RO60: variants seen among roughly 807,000 people sequenced by gnomAD.
The protein encoded by RO60 is Ro60, Y RNA binding protein, also known as RNA-binding protein RO60.
A neutral mutation model predicts 55.3 loss-of-function variants in RO60; 20 were observed. The observed-to-expected ratio is 0.36, with a 90% CI of 0.25 to 0.53. RO60 has a LOEUF of 0.53. RO60 is among the 20% of genes least tolerant of loss of function. RO60 has a pLI of 0.92. For synonymous variants in RO60, 213 were observed against 213.6 expected (o/e 1.00, Z 0.02); for missense variants, 558 against 646.6 (o/e 0.86, Z 1.49).
chr1:193,081,209 A>G (rs1357238300), intron 5 of RO60, among the ~76,000 whole-genome samples, 155 bp from the exon 6 acceptor site: 1 of 152,186 alleles, frequency 6.6e-6, no homozygotes, highest in East Asian at 1.9e-4. Context: ...CTGCTATGCC[A>G]GATGAGCATT....
At position 193,059,667 on chromosome 1, in the gene RO60, TGCTGTG is replaced by T. The variant is rs1024380496; in HGVS notation, c.-125_-120del. On this transcript the variant is annotated 5_prime_UTR_variant, in exon 1 of 9. Transcript: ENST00000400968. This position sits in a 1 kb window ranked among gnomAD's most constrained non-coding sequence, Gnocchi z 4.9. ...CCGGCGGCAGTGGGGCTGTTGCTGT[TGCTGTG>T]GCTGTCGCTGCCCGTCAGGCTGCCT... The T allele has an allele frequency of 3.6e-6, 5 of 1,373,658 alleles. No individual in the cohort carries two copies. Among genetic ancestry groups the T allele is most frequent in the Non-Finnish European group, 4.9e-6 (5 of 1,028,760 alleles). 85.1% of individuals were successfully genotyped at this position (1,373,658 alleles called of 1,614,324 possible).
chr1:193,085,597 C>T lies in RO60; in HGVS notation c.*866C>T, dbSNP rs1298540885. ...AATATAAAATGTTTCAAGCGCTTAACTCCCCCTCATTCACAAAGTATAACA... is the reference window on the plus strand; with the variant it reads ...AATATAAAATGTTTCAAGCGCTTAATTCCCCCTCATTCACAAAGTATAACA... On this transcript the variant is annotated 3_prime_UTR_variant, in exon 9 of 9. Transcript: ENST00000400968. 1 of 984,424 alleles carries T rather than the reference C, an allele frequency of 1.0e-6. No homozygotes were observed. The highest frequency in any genetic ancestry group is 1.2e-6 in the Non-Finnish European group (1 of 829,202). The allele number at this position is 984,424 out of a possible 1,614,324, so 61.0% of individuals were successfully genotyped here. A position where few individuals can be genotyped will look rare whatever the true frequency, so the allele number is the denominator to read the frequency against.
Position 193,069,255 on chromosome 1 carries a change from T to C in RO60, c.201T>C (p.Asp67=). The C allele has an allele frequency of 6.2e-7, 1 of 1,614,212 alleles. No individual in the cohort carries two copies. Residue 67 remains aspartate, a synonymous_variant, in exon 2 of 9, where the codon GAT becomes GAC. Coordinates refer to ENST00000400968, the MANE Select transcript of RO60 (RefSeq NM_001173524.2). ...AAGCTTTAATTAGATTGATTGAAGA[T>C]GGCAGAGGATGTGAAGTGATACAAG... ...NAEALIRLIE[D]GRGCEVIQEI... is the part of the protein sequence containing the mutation.
At chr1:193,071,812 ATATACC>A (rs1165397296) in intron 2 of RO60, among the ~76,000 whole-genome samples, 1 of 146,996 alleles carries the variant, frequency 6.8e-6, no homozygotes, top group Non-Finnish European at 1.5e-5. Flanking sequence ...TGTAATATAT[ATATACC>A]TATATACATA....
intron 1 of RO60, among the ~76,000 whole-genome samples, chr1:193,065,877 A>G (rs1321461628): frequency 6.6e-6 from 1 of 152,110 alleles, no homozygotes; most frequent in Non-Finnish European, 1.5e-5. Context: ...TAATATTCCG[A>G]ACACAATTCA....
downstream of RO60, chr1:193,091,638 C>A (rs1356251536): frequency 6.2e-7 from 1 of 1,606,148 alleles, no homozygotes; most frequent in Non-Finnish European, 8.5e-7. Context: ...GAAATCCTTT[C>A]TCTCCTTTCT....
rs10801173 is a variant in RO60, at chr1:193,085,355, T to G, written c.*624T>G. The G allele has an allele frequency of 2.1e-5, 21 of 1,000,402 alleles. No homozygotes were observed. Among genetic ancestry groups the G allele is most frequent in the Non-Finnish European group, 2.4e-5 (20 of 839,850 alleles). The allele number at this position is 1,000,402 out of a possible 1,614,324, so 62.0% of individuals were successfully genotyped here. ...TTATTTCTGATGTTTTATTTGCACTTGTGGAATATGTTACCATTAATCAGA... is the reference window on the plus strand; with the variant it reads ...TTATTTCTGATGTTTTATTTGCACTGGTGGAATATGTTACCATTAATCAGA... On this transcript the variant is annotated 3_prime_UTR_variant, in exon 9 of 9. Coordinates refer to ENST00000400968, the MANE Select transcript of RO60 (RefSeq NM_001173524.2).
intron 1 of RO60, chr1:193,060,173 G>T: frequency 9.2e-7 from 1 of 1,091,212 alleles, no homozygotes; most frequent in Non-Finnish European, 1.2e-6. Flanking sequence ...GATCTTTGTG[G>T]GAAGACAGGG....
At position 193,071,807 on chromosome 1, in the gene RO60, TATATATATACCTATATAC is replaced by T. The variant is rs981317437; in HGVS notation, c.580+2191_580+2208del. Among the ~76,000 whole-genome samples, 37 of 147,330 alleles carry T rather than the reference TATATATATACCTATATAC, an allele frequency of 2.5e-4. No individual in the cohort carries two copies. In the East Asian group the frequency reaches 3.1e-3, roughly 12 times the overall value. On this transcript the variant is annotated intron_variant, in intron 2 of 8. Coordinates refer to ENST00000400968, the MANE Select transcript of RO60 (RefSeq NM_001173524.2). ...TGTTAGTATATAGTATAGTATGTAA[TATATATATACCTATATAC>T]ATATATATACCTATATATGTATGCA...
chr1:193,074,887 A>G (rs1030625648), intron 2 of RO60, among the ~76,000 whole-genome samples: 1 of 152,152 alleles, frequency 6.6e-6, no homozygotes, highest in African/African-American at 2.4e-5. Flanking sequence ...TAAGTCTTTA[A>G]TCCATCTTGA....
chr1:193,066,128 T>C (rs78322805), intron 1 of RO60, among the ~76,000 whole-genome samples: 2,103 of 152,302 alleles, frequency 0.014, 50 homozygotes, highest in African/African-American at 0.047. Flanking sequence ...CCTTAAAAGA[T>C]AAAGGAAATA....
At chr1:193,068,141 G>C (rs1442880325) in intron 1 of RO60, among the ~76,000 whole-genome samples, 3 of 152,150 alleles carry the variant, frequency 2.0e-5, no homozygotes, top group Non-Finnish European at 4.4e-5. Flanking sequence ...ATGTCATACT[G>C]GCCAGTCATG....
At position 193,084,760 on chromosome 1, in the gene RO60, C is replaced by T. The variant is rs765665365; in HGVS notation, c.*29C>T. On this transcript the variant is annotated 3_prime_UTR_variant, in exon 9 of 9. Coordinates refer to ENST00000400968, the MANE Select transcript of RO60 (RefSeq NM_001173524.2). Reference sequence around the variant, plus strand: ...TAAGCAGCAGCACGATCCAGAGATCCATTGCCATCAGTGATCTCACTAAAA... The same window carrying T: ...TAAGCAGCAGCACGATCCAGAGATCTATTGCCATCAGTGATCTCACTAAAA... 1.3e-6 allele frequency: 2 copies of T among 1,597,032 alleles called. No homozygotes were observed. The highest frequency in any genetic ancestry group is 1.3e-5 in the African/African-American group (1 of 74,260).
chr1:193,061,965 C>T (rs569435813), intron 1 of RO60, among the ~76,000 whole-genome samples: 59 of 144,564 alleles, frequency 4.1e-4, no homozygotes, highest in African/African-American at 1.5e-3. Context: ...GCCTGGGTGA[C>T]AGAGTGAGAG....
In RO60 at chr1:193,090,317, T is replaced by C. The variant is rs1420845156; in HGVS notation, c.*5586T>C. ...GGGAATATTATATCAACAAACATATTGAAACTTGGCTTTATTTGTAACGTA... is the reference window on the plus strand; with the variant it reads ...GGGAATATTATATCAACAAACATATCGAAACTTGGCTTTATTTGTAACGTA... On this transcript the variant is annotated 3_prime_UTR_variant, in exon 9 of 9. Transcript: ENST00000400968. The C allele has an allele frequency of 6.6e-6, 1 of 152,042 alleles. No individual in the cohort carries two copies. The highest frequency in any genetic ancestry group is 1.5e-5 in the Non-Finnish European group (1 of 68,016). 9.4% of individuals were successfully genotyped at this position (152,042 alleles called of 1,614,324 possible). A position where few individuals can be genotyped will look rare whatever the true frequency, so the allele number is the denominator to read the frequency against.
At position 193,088,162 on chromosome 1, in the gene RO60, C is replaced by CTTTTTTTTTTTTTTTTTT. The variant is rs145943712; in HGVS notation, c.*3445_*3462dup. The CTTTTTTTTTTTTTTTTTT allele has an allele frequency of 4.5e-5, 2 of 44,394 alleles. No homozygotes were observed. Among genetic ancestry groups the CTTTTTTTTTTTTTTTTTT allele is most frequent in the African/African-American group, 2.3e-4 (2 of 8,736 alleles). The allele number at this position is 44,394 out of a possible 1,614,324, so 2.8% of individuals were successfully genotyped here. On this transcript the variant is annotated 3_prime_UTR_variant, in exon 9 of 9. Coordinates refer to ENST00000400968, the MANE Select transcript of RO60 (RefSeq NM_001173524.2). ...GGTGTGCACTGCACTACCACGCCTG[C>CTTTTTTTTTTTTTTTTTT]TTTTTTTTTTTTTTTTTTTTTTTTT...
At chr1:193,068,367 G>A (rs1038026013) in intron 1 of RO60, among the ~76,000 whole-genome samples, 1 of 152,342 alleles carries the variant, frequency 6.6e-6, no homozygotes, top group African/African-American at 2.4e-5. Flanking sequence ...TAATTTTGAT[G>A]TACATTGAGT....
chr1:193,084,176 T>A (rs1325768317), intron 8 of RO60, among the ~76,000 whole-genome samples: 2 of 152,218 alleles, frequency 1.3e-5, no homozygotes, highest in Non-Finnish European at 2.9e-5. Flanking sequence ...CATATCAAAG[T>A]CATCAGCCAA....
At position 193,088,742 on chromosome 1, in the gene RO60, A is replaced by G. The variant is rs374956159; in HGVS notation, c.*4011A>G. ...GCATCAGTGTAAACATGCACAAGAA[A>G]GAATTTGTAAAAAAAAATGACAGGT... On this transcript the variant is annotated 3_prime_UTR_variant, in exon 9 of 9. Transcript: ENST00000400968. 2 of 152,202 alleles carry G rather than the reference A, an allele frequency of 1.3e-5. No homozygotes were observed. The highest frequency in any genetic ancestry group is 6.5e-5 in the Admixed American group (1 of 15,286). 9.4% of individuals were successfully genotyped at this position (152,202 alleles called of 1,614,324 possible).
Sources: gnomAD v4.1 joint callset for allele counts (sites outside exome capture counted in the v4.1 genomes callset) on GRCh38, gnomAD v4.1.1 for gene constraint, Gnocchi (gnomAD v3.1) non-coding constraint, MANE v1.5 for transcripts, NCBI Gene and HGNC (gene_info 2026-07-23, HGNC 2026-07-21) for gene names.